DGKB: variants seen among roughly 807,000 people sequenced by gnomAD.
DGKB encodes the protein diacylglycerol kinase beta, also known as 90 kDa diacylglycerol kinase.
In DGKB, 67 loss-of-function variants were observed where a neutral mutation model predicts 114.3. The ratio of observed to expected loss-of-function variants is 0.59; its 90% CI spans 0.48 to 0.72. The LOEUF (loss-of-function observed/expected upper bound fraction) is 0.72. DGKB is among the 30% of genes least tolerant of loss of function. DGKB has a pLI of 0.00. For missense variants in DGKB, 907 were observed against 975.2 expected (o/e 0.93, Z 0.93); for synonymous variants, 398 against 323.1 (o/e 1.23, Z -2.49).
chr7:14,255,354 A>G (rs1251007254), intron 23 of DGKB, among the ~76,000 whole-genome samples: 1 of 152,238 alleles, frequency 6.6e-6, no homozygotes, highest in Admixed American at 6.5e-5. Flanking sequence ...TGCAATCAGC[A>G]GAGTCAATAT....
chr7:14,680,739 G>A (rs904312753), intron 12 of DGKB, among the ~76,000 whole-genome samples: 1 of 151,882 alleles, frequency 6.6e-6, no homozygotes, highest in Non-Finnish European at 1.5e-5. Context: ...CAGACTTCAT[G>A]GAGATTAAAT....
At chr7:14,856,317 T>C (rs1398524650) in intron 1 of DGKB, among the ~76,000 whole-genome samples, 1 of 152,142 alleles carries the variant, frequency 6.6e-6, no homozygotes, top group Non-Finnish European at 1.5e-5. Context: ...AGATTCTCAT[T>C]GAAATACAAA....
At chr7:14,810,019 C>T (rs950402718) in intron 2 of DGKB, among the ~76,000 whole-genome samples, 3 of 152,164 alleles carry the variant, frequency 2.0e-5, no homozygotes, top group East Asian at 1.9e-4. Context: ...TAAACATGTT[C>T]GGATTCTGCA....
chr7:14,395,928 CT>C (rs1822145248), intron 21 of DGKB, among the ~76,000 whole-genome samples: 1 of 151,934 alleles, frequency 6.6e-6, no homozygotes, highest in Admixed American at 6.6e-5. Flanking sequence ...TTATGTCTCA[CT>C]TCAATAAGGT....
intron 21 of DGKB, among the ~76,000 whole-genome samples, chr7:14,370,478 TGATGGA>T: frequency 6.6e-6 from 1 of 152,282 alleles, no homozygotes; most frequent in Non-Finnish European, 1.5e-5. Context: ...AGCGGTAGCT[TGATGGA>T]GATAACACTG....
chr7:14,297,761 A>G (rs1452674236), intron 23 of DGKB, among the ~76,000 whole-genome samples: 1 of 152,212 alleles, frequency 6.6e-6, no homozygotes, highest in Non-Finnish European at 1.5e-5. Context: ...GAGGAAATCA[A>G]ATTGTCTCTG....
chr7:14,709,064 C>T (rs1011425537), intron 6 of DGKB, among the ~76,000 whole-genome samples: 86 of 143,958 alleles, frequency 6.0e-4, no homozygotes, highest in African/African-American at 2.1e-3. Context: ...GCAACCTACT[C>T]ATCTGACAAA....
At chr7:14,919,062 G>GCACACACAAACACACACA (rs1784379837) in intron 1 of DGKB, among the ~76,000 whole-genome samples, 1 of 118,064 alleles carries the variant, frequency 8.5e-6, no homozygotes, top group Admixed American at 8.7e-5. Context: ...TCCACCACAC[G>GCACACACAAACACACACA]CACACACACA....
At chr7:14,825,310 G>C (rs533923623) in intron 2 of DGKB, among the ~76,000 whole-genome samples, 3 of 151,768 alleles carry the variant, frequency 2.0e-5, no homozygotes, top group South Asian at 4.2e-4. Context: ...AGTGCATTAC[G>C]TTTATTGTGC....
Position 14,326,189 on chromosome 7 carries a change from C to T in DGKB, c.2122+12326G>A, listed in dbSNP as rs141962390. Among the ~76,000 whole-genome samples the T allele has an allele frequency of 7.5e-3, 1,138 of 151,858 alleles. 5 individuals carry two copies. Among genetic ancestry groups the T allele is most frequent in the Non-Finnish European group, 0.012 (793 of 67,948 alleles). ...CTTCAATGTCTATGTCAAAAGTCTC[C>T]CCTATTAGCAGCTGCTAAGTGGAAA... On this transcript the variant is annotated intron_variant, in intron 23 of 25. Coordinates refer to ENST00000402815, the MANE Select transcript of DGKB (RefSeq NM_001350709.2).
At position 14,546,472 on chromosome 7, in the gene DGKB, T is replaced by C. The variant is rs77076224; in HGVS notation, c.1770+27740A>G. 3.7e-3 allele frequency among the ~76,000 whole-genome samples: 564 copies of C among 152,300 alleles called. 1 individual carries two copies. The highest frequency in any genetic ancestry group is 0.013 in the African/African-American group (533 of 41,568). On this transcript the variant is annotated intron_variant, in intron 20 of 25. Coordinates refer to ENST00000402815, the MANE Select transcript of DGKB (RefSeq NM_001350709.2). ...ACATGCAGGGCTGGCTTCATGGGCA[T>C]GGAACTGGTGCAGTGCAGGTCTTAG...
At chr7:14,830,738 T>C (rs1846293697) in intron 2 of DGKB, among the ~76,000 whole-genome samples, 1 of 152,060 alleles carries the variant, frequency 6.6e-6, no homozygotes, top group African/African-American at 2.4e-5. Context: ...ATGCTGGAGT[T>C]TCATTCACTT....
At chr7:14,827,363 T>C (rs889080916) in intron 2 of DGKB, among the ~76,000 whole-genome samples, 1 of 151,960 alleles carries the variant, frequency 6.6e-6, no homozygotes, top group African/African-American at 2.4e-5. Flanking sequence ...GCCTCTTCTG[T>C]GGCATTTAAA....
At chr7:14,336,246 C>A in intron 23 of DGKB, among the ~76,000 whole-genome samples, 1 of 151,968 alleles carries the variant, frequency 6.6e-6, no homozygotes, top group East Asian at 1.9e-4. Context: ...TGCAAAGTAT[C>A]TCAAAGTGAA....
intron 2 of DGKB, among the ~76,000 whole-genome samples, chr7:14,774,047 C>T (rs1837801429): frequency 6.6e-6 from 1 of 152,020 alleles, no homozygotes; most frequent in Non-Finnish European, 1.5e-5. Flanking sequence ...TTTGTTTTTG[C>T]CCTGACACTC....
At chr7:14,412,091 T>C (rs929154443) in intron 21 of DGKB, among the ~76,000 whole-genome samples, 1 of 152,220 alleles carries the variant, frequency 6.6e-6, no homozygotes, top group Non-Finnish European at 1.5e-5. Context: ...TGCATGAGCA[T>C]GATATGATGT....
In DGKB at chr7:14,613,416, A is replaced by C; in HGVS notation, c.1285-3T>G. The C allele has an allele frequency of 6.5e-7, 1 of 1,540,962 alleles. No individual in the cohort carries two copies. The highest frequency in any genetic ancestry group is 8.8e-7 in the Non-Finnish European group (1 of 1,134,530). ...TGAGTACCAGGCACAGGAGTGACCT[A>C]TAAGAAAAGTTATATACATGGAAAA... On this transcript the variant is annotated splice_region_variant and splice_polypyrimidine_tract_variant and intron_variant, in intron 15 of 25. Transcript: ENST00000402815.
chr7:14,263,751 A>C (rs1674526800), intron 23 of DGKB, among the ~76,000 whole-genome samples: 1 of 148,764 alleles, frequency 6.7e-6, no homozygotes, highest in Non-Finnish European at 1.5e-5. Context: ...CACTGTCCTA[A>C]GAATTGCTAC....
intron 21 of DGKB, among the ~76,000 whole-genome samples, chr7:14,414,838 C>A (rs908438928): frequency 6.6e-6 from 1 of 152,018 alleles, no homozygotes; most frequent in Non-Finnish European, 1.5e-5. Flanking sequence ...ACATTTCTGA[C>A]AAGCTGAGTC....
Sources: allele counts gnomAD v4.1 joint callset (sites outside exome capture counted in the v4.1 genomes callset), GRCh38; gene constraint gnomAD v4.1.1; transcripts MANE v1.5; gene names NCBI Gene and HGNC (gene_info 2026-07-23, HGNC 2026-07-21).